The following IQSEC1 variants were observed in gnomAD, a reference collection of about 807,000 sequenced individuals.
The protein encoded by IQSEC1 is IQ motif and SEC7 domain-containing protein 1.
In IQSEC1, 31 loss-of-function variants were observed where a neutral mutation model predicts 91.0. The observed-to-expected ratio is 0.34, with a 90% CI of 0.26 to 0.46. The LOEUF (loss-of-function observed/expected upper bound fraction) is 0.46, where lower values mean the gene tolerates loss of function less well. Among genes scored for constraint, IQSEC1 ranks in the 20% least tolerant of loss-of-function variants. The pLI, the probability that IQSEC1 is intolerant of heterozygous loss-of-function variation, is 1.00. For synonymous variants in IQSEC1, 699 were observed against 662.6 expected, an observed-to-expected ratio of 1.05 and a Z score of -0.84; for missense variants, 1,388 against 1,575.6, an observed-to-expected ratio of 0.88 and a Z score of 2.02.
intron 8 of IQSEC1, among the ~76,000 whole-genome samples, chr3:12,914,152 A>G (rs1695840789): frequency 1.3e-5 from 2 of 152,192 alleles, no homozygotes; most frequent in Admixed American, 1.3e-4. Context: ...CCAGCAGCCA[A>G]CACTCTGTGG....
intron 2 of IQSEC1, among the ~76,000 whole-genome samples, chr3:13,155,008 T>C (rs910353238): frequency 6.6e-6 from 1 of 152,160 alleles, no homozygotes; most frequent in Non-Finnish European, 1.5e-5. Context: ...AGGAAATTTA[T>C]AGCTTGATAC....
At chr3:13,046,412 C>G (rs754604012) in intron 1 of IQSEC1, among the ~76,000 whole-genome samples, 2 of 152,214 alleles carry the variant, frequency 1.3e-5, no homozygotes, top group African/African-American at 2.4e-5. Context: ...AAGCAGGGCC[C>G]AGATGGCCAC....
intron 1 of IQSEC1, among the ~76,000 whole-genome samples, chr3:13,180,171 T>C (rs1693813701): frequency 1.3e-5 from 2 of 152,204 alleles, no homozygotes; most frequent in African/African-American, 4.8e-5. Context: ...TGAAGCCTGC[T>C]GGGCTCCTGA....
rs1317480542 is a variant in IQSEC1 at position 12,915,603 on chromosome 3, C to T, written c.2151G>A (p.Gly717=). The part of the protein sequence containing the change: ...QVQKVEKLIV[G]KKPIGSLHPG... ...AGGGCCCATCACATACCGGCTTTTT[C>T]CCCACAATGAGCTTCTCCACCTTCT... Residue 717 remains glycine (G), a synonymous_variant, in exon 7 of 14, where the codon GGG becomes GGA. Transcript: ENST00000613206. The T allele has an allele frequency of 3.7e-6, 6 of 1,614,014 alleles. No homozygotes were observed. The highest frequency in any genetic ancestry group is 5.1e-6 in the Non-Finnish European group (6 of 1,179,932).
chr3:13,146,963 C>G (rs1215198624), intron 2 of IQSEC1, among the ~76,000 whole-genome samples: 1 of 152,206 alleles, frequency 6.6e-6, no homozygotes, highest in African/African-American at 2.4e-5. Context: ...CAGAGTATCA[C>G]TGTGAAGTCA....
intron 1 of IQSEC1, among the ~76,000 whole-genome samples, chr3:13,222,010 C>A (rs1371477137): frequency 2.0e-5 from 3 of 152,232 alleles, no homozygotes; most frequent in Non-Finnish European, 1.5e-5. Context: ...TGTCCCCTTT[C>A]CTTTTCATTA....
At chr3:13,210,150 G>A (rs1185744141) in intron 1 of IQSEC1, among the ~76,000 whole-genome samples, 5 of 152,186 alleles carry the variant, frequency 3.3e-5, no homozygotes, top group South Asian at 2.1e-4. Context: ...CATCAACCTC[G>A]GACACAAACG....
At position 13,257,008 on chromosome 3, in the gene IQSEC1, T is replaced by C. The variant is rs143264841; in HGVS notation, c.272+25703A>G. ...TCACAGACAAGCTCCTTAACCTCTC[T>C]GTGCCCAGTTTTCCCTTTTGTAAAA... On this transcript the variant is annotated intron_variant, in intron 1 of 15. Transcript: ENST00000648114. 4.2e-3 allele frequency among the ~76,000 whole-genome samples: 642 copies of C among 152,316 alleles called. 8 individuals are homozygous for C. The highest frequency in any genetic ancestry group is 0.014 in the African/African-American group (602 of 41,578).
At chr3:13,226,039 C>T (rs1694748561) in intron 1 of IQSEC1, among the ~76,000 whole-genome samples, 1 of 152,176 alleles carries the variant, frequency 6.6e-6, no homozygotes, top group South Asian at 2.1e-4. Context: ...CACCACCACG[C>T]CTGGCTAATT....
chr3:12,994,322 C>T lies in IQSEC1; in HGVS notation c.24-52457G>A, dbSNP rs1297822714. 6.6e-6 allele frequency among the ~76,000 whole-genome samples: 1 copy of T among 151,852 alleles called. No individual in the cohort carries two copies. The highest frequency in any genetic ancestry group is 2.4e-5 in the African/African-American group (1 of 41,380). On this transcript the variant is annotated intron_variant, in intron 1 of 13. Coordinates refer to ENST00000613206, the MANE Select transcript of IQSEC1 (RefSeq NM_001134382.3). This position sits in a 1 kb window ranked among gnomAD's most constrained non-coding sequence, Gnocchi z 4.5. Reference sequence around the variant, plus strand: ...CTCGCCGCGCCTGGCCTCAGTTTCCCCCCTCGGAAGGTGTGTGTGCGTGCG... The same window carrying T: ...CTCGCCGCGCCTGGCCTCAGTTTCCTCCCTCGGAAGGTGTGTGTGCGTGCG...
chr3:13,112,654 G>C (rs1706267950), intron 2 of IQSEC1, among the ~76,000 whole-genome samples: 1 of 152,270 alleles, frequency 6.6e-6, no homozygotes, highest in South Asian at 2.1e-4. Context: ...CAGTGGGCCA[G>C]GTGGTCCCGC....
intron 1 of IQSEC1, among the ~76,000 whole-genome samples, chr3:13,242,782 C>T (rs868327799): frequency 3.3e-5 from 5 of 151,250 alleles, no homozygotes; most frequent in African/African-American, 7.3e-5. Flanking sequence ...TTCACGTCAC[C>T]GGGACTGGTT....
At chr3:12,912,540 TGTA>T (rs1695659069) in intron 9 of IQSEC1, among the ~76,000 whole-genome samples, 1 of 152,116 alleles carries the variant, frequency 6.6e-6, no homozygotes, top group Admixed American at 6.5e-5. Flanking sequence ...AACATGGGCC[TGTA>T]GTCCCAGCTA....
rs373633442 is a variant in IQSEC1, at chr3:13,180,060, G to A, written c.273-15927C>T. On this transcript the variant is annotated intron_variant, in intron 1 of 15. Coordinates refer to the IQSEC1 transcript ENST00000648114. ...CGACGAGCACCGCACCCTGCTCCAC[G>A]GCGCCCAGTCCCATCCACCACCCAA... Among the ~76,000 whole-genome samples the A allele has an allele frequency of 1.7e-4, 26 of 152,142 alleles. 1 individual carries two copies. The South Asian group carries it at 3.9e-3, about 23-fold the overall frequency.
Position 12,940,577 on chromosome 3 carries a change from G to T in IQSEC1, c.318+994C>A, listed in dbSNP as rs1388228801. On this transcript the variant is annotated intron_variant, in intron 2 of 13. Transcript: ENST00000613206. This position sits in a 1 kb window ranked among gnomAD's most constrained non-coding sequence, Gnocchi z 4.4. ...GGCCCTGGGGCCAGCAGGGGCAGAGGCAGCTGCCTGGGCATCTGGAGGAGC... is the reference window on the plus strand; with the variant it reads ...GGCCCTGGGGCCAGCAGGGGCAGAGTCAGCTGCCTGGGCATCTGGAGGAGC... 6.6e-6 allele frequency among the ~76,000 whole-genome samples: 1 copy of T among 151,768 alleles called. No homozygotes were observed. The highest frequency in any genetic ancestry group is 1.5e-5 in the Non-Finnish European group (1 of 67,920).
At chr3:12,901,547 A>G in intron 13 of IQSEC1, 25 bp from the exon 14 acceptor site, 1 of 1,532,604 alleles carries the variant, frequency 6.5e-7, no homozygotes, top group South Asian at 1.2e-5. Context: ...CATAGAAATC[A>G]AAATTAAAAG....
chr3:13,236,811 A>C (rs981776822), intron 1 of IQSEC1, among the ~76,000 whole-genome samples: 1 of 152,218 alleles, frequency 6.6e-6, no homozygotes, highest in Admixed American at 6.5e-5. Flanking sequence ...TCTGCACTTG[A>C]GGCCTCTGGT....
At chr3:13,180,001 C>A (rs1693809437) in intron 1 of IQSEC1, among the ~76,000 whole-genome samples, 1 of 142,850 alleles carries the variant, frequency 7.0e-6, no homozygotes, top group Non-Finnish European at 1.5e-5. Flanking sequence ...CCCCCACCCC[C>A]TCTCCGTGGG....
intron 1 of IQSEC1, among the ~76,000 whole-genome samples, chr3:13,007,282 T>C (rs1194201085): frequency 1.3e-5 from 2 of 152,206 alleles, no homozygotes; most frequent in East Asian, 3.8e-4. Context: ...CCAGCTGGTA[T>C]GCGGGATCCA....
Sources: allele counts gnomAD v4.1 joint callset (sites outside exome capture counted in the v4.1 genomes callset), GRCh38; gene constraint gnomAD v4.1.1; non-coding constraint Gnocchi (gnomAD v3.1); transcripts MANE v1.5; gene names NCBI Gene and HGNC (gene_info 2026-07-23, HGNC 2026-07-21).